Variants in PLD5 observed in about 807,000 individuals in gnomAD.
PLD5 encodes the protein inactive phospholipase D5.
PLD5 carries 36 observed loss-of-function variants against 61.1 expected under a neutral mutation model. The observed-to-expected ratio is 0.59, with a 90% CI of 0.45 to 0.78. PLD5 has a LOEUF of 0.78. PLD5 is among the 30% of genes least tolerant of loss of function. The probability of loss-of-function intolerance (pLI) is 0.00; values close to 1 mark genes in which losing one functional copy is unlikely to be tolerated. For synonymous variants in PLD5, 243 were observed against 242.8 expected, an observed-to-expected ratio of 1.00 and a Z score of -0.01; for missense variants, 515 against 644.4, an observed-to-expected ratio of 0.80 and a Z score of 2.17.
At position 242,425,005 on chromosome 1, in the gene PLD5, G is replaced by A. The variant is rs138868931; in HGVS notation, c.190-76763C>T. ...CAATTAGCTGGGTGTGGTTGTGCAC[G>A]CCTGCAATCCTAGCTACTAGGGAGG... On this transcript the variant is annotated intron_variant, in intron 1 of 9. Transcript: ENST00000536534. Among the ~76,000 whole-genome samples, 97 of 152,158 alleles carry A rather than the reference G, an allele frequency of 6.4e-4. 1 individual carries two copies. In the East Asian group the frequency reaches 0.014, roughly 22 times the overall value.
rs1660014855 is a variant in PLD5, at chr1:242,093,710, C to T, written c.1355-3600G>A. 2.0e-5 allele frequency among the ~76,000 whole-genome samples: 3 copies of T among 151,374 alleles called. No individual in the cohort carries two copies. The South Asian group carries it at 6.3e-4, about 32-fold the overall frequency. On this transcript the variant is annotated intron_variant, in intron 9 of 9. Transcript: ENST00000536534. The stretch of plus-strand genomic sequence containing the variant: ...TTCACCCTGGACTACAATGTCGACC[C>T]CCGAGGTCAGGAGCATCATAGCCAC...
intron 2 of PLD5, among the ~76,000 whole-genome samples, chr1:242,298,411 G>A (rs1675840208): frequency 1.3e-5 from 2 of 152,236 alleles, no homozygotes; most frequent in African/African-American, 4.8e-5. Flanking sequence ...AAGATAGGGA[G>A]GATCTTAGTT....
intron 3 of PLD5, among the ~76,000 whole-genome samples, chr1:242,267,889 A>T (rs111795242): frequency 2.3e-5 from 2 of 87,550 alleles, no homozygotes; most frequent in South Asian, 1.0e-3. Context: ...TCCAAAAATT[A>T]AAAAAAAAAA....
Position 242,089,797 on chromosome 1 carries a change from A to C in PLD5, c.*57T>G. On this transcript the variant is annotated 3_prime_UTR_variant, in exon 10 of 10. Transcript: ENST00000536534. ...ATATTAAAGTGTTTTTTCTCTCCTC[A>C]AGTCCTTTATGTATAAATATGAAAT... 1 of 1,598,054 alleles carries C rather than the reference A, an allele frequency of 6.3e-7. No homozygotes were observed. Among genetic ancestry groups the C allele is most frequent in the Non-Finnish European group, 8.6e-7 (1 of 1,169,384 alleles).
chr1:242,206,018 C>G (rs139900312), intron 5 of PLD5, among the ~76,000 whole-genome samples: 112 of 152,326 alleles, frequency 7.4e-4, no homozygotes, highest in South Asian at 1.5e-3. Flanking sequence ...GAGTGTGACT[C>G]TCATCGGCGT....
At chr1:242,187,885 CAA>C (rs1491123810) in intron 5 of PLD5, among the ~76,000 whole-genome samples, 4 of 152,170 alleles carry the variant, frequency 2.6e-5, no homozygotes, top group Non-Finnish European at 5.9e-5. Flanking sequence ...TACGGGGCCA[CAA>C]AAGTTACAGT....
chr1:242,239,129 C>T lies in PLD5; in HGVS notation c.608-19014G>A, dbSNP rs538592429. ...TCACTCAGGGGTCTTGCATTTCTCC[C>T]GTTGGGTTATAAACTAGAAAATTGG... On this transcript the variant is annotated intron_variant, in intron 4 of 9. Transcript: ENST00000536534. Among the ~76,000 whole-genome samples, 331 of 152,256 alleles carry T rather than the reference C, an allele frequency of 2.2e-3. 1 individual carries two copies. The highest frequency in any genetic ancestry group is 7.7e-3 in the African/African-American group (320 of 41,548).
upstream of PLD5, among the ~76,000 whole-genome samples, chr1:242,529,527 G>C (rs1441794318): frequency 6.6e-6 from 1 of 152,122 alleles, no homozygotes; most frequent in Non-Finnish European, 1.5e-5. Context: ...CAAGGACCAA[G>C]GGGCAACACT....
intron 5 of PLD5, among the ~76,000 whole-genome samples, chr1:242,192,985 T>G (rs1668379777): frequency 6.6e-6 from 1 of 152,186 alleles, no homozygotes; most frequent in Non-Finnish European, 1.5e-5. Flanking sequence ...CTCTCATAAC[T>G]GAGCCTTGTC....
At position 242,507,413 on chromosome 1, in the gene PLD5, C is replaced by A. The variant is rs563436526; in HGVS notation, c.189+16675G>T. On this transcript the variant is annotated intron_variant, in intron 1 of 9. Coordinates refer to ENST00000536534, the MANE Select transcript of PLD5 (RefSeq NM_001372062.1). ...TTTCAATAGAGCTTTGCTGAAACCC[C>A]CAATTCTTCTTAGGAAGGTGCTGCA... 3.9e-5 allele frequency among the ~76,000 whole-genome samples: 6 copies of A among 152,246 alleles called. No individual in the cohort carries two copies. In the South Asian group the frequency reaches 1.2e-3, roughly 32 times the overall value.
intron 4 of PLD5, among the ~76,000 whole-genome samples, chr1:242,264,640 A>T (rs907474261): frequency 1.3e-5 from 2 of 152,166 alleles, no homozygotes; most frequent in Non-Finnish European, 2.9e-5. Flanking sequence ...TCTTCTAGGG[A>T]CGTCCGGCAG....
At chr1:242,113,856 C>T in intron 7 of PLD5, 34 bp downstream of exon 7, 2 of 1,600,002 alleles carry the variant, frequency 1.3e-6, no homozygotes, top group Non-Finnish European at 1.7e-6. Context: ...GTCTTAGGGA[C>T]TGGGTTCTAA....
At chr1:242,247,406 T>C (rs1055690251) in intron 4 of PLD5, among the ~76,000 whole-genome samples, 3 of 152,186 alleles carry the variant, frequency 2.0e-5, no homozygotes, top group Non-Finnish European at 2.9e-5. Flanking sequence ...CAGAGTCAGG[T>C]TGGACAGTAA....
chr1:242,229,125 T>C (rs373580822), intron 4 of PLD5, among the ~76,000 whole-genome samples: 205 of 152,296 alleles, frequency 1.3e-3, no homozygotes, highest in African/African-American at 4.8e-3. Flanking sequence ...CATGAGTAAA[T>C]GACTCAAAGG....
intron 5 of PLD5, among the ~76,000 whole-genome samples, chr1:242,214,578 T>C (rs999752560): frequency 1.1e-4 from 16 of 152,182 alleles, no homozygotes; most frequent in African/African-American, 3.9e-4. Flanking sequence ...AGCCATGCAA[T>C]TGCATCAATT....
chr1:242,336,725 T>C (rs1338939123), intron 2 of PLD5, among the ~76,000 whole-genome samples: 6 of 152,118 alleles, frequency 3.9e-5, no homozygotes, highest in Admixed American at 2.6e-4. Context: ...TATTATCATC[T>C]GTATATATTA....
At chr1:242,316,582 T>C (rs1019492876) in intron 2 of PLD5, among the ~76,000 whole-genome samples, 1 of 152,242 alleles carries the variant, frequency 6.6e-6, no homozygotes, top group Non-Finnish European at 1.5e-5. Flanking sequence ...ATATATAAAC[T>C]TTATTAATTA....
chr1:242,298,986 G>A (rs1310574036), intron 2 of PLD5, among the ~76,000 whole-genome samples: 1 of 151,146 alleles, frequency 6.6e-6, no homozygotes, highest in Non-Finnish European at 1.5e-5. Flanking sequence ...TCTTGACACT[G>A]TCCCCAAAGA....
chr1:242,352,325 G>C (rs1299612806), intron 1 of PLD5, among the ~76,000 whole-genome samples: 1 of 152,092 alleles, frequency 6.6e-6, no homozygotes, highest in East Asian at 1.9e-4. Flanking sequence ...TTCTGTGTTT[G>C]GCTTATCACT....
Sources: gnomAD v4.1 joint callset for allele counts (sites outside exome capture counted in the v4.1 genomes callset) on GRCh38, gnomAD v4.1.1 for gene constraint, MANE v1.5 for transcripts, NCBI Gene and HGNC (gene_info 2026-07-23, HGNC 2026-07-21) for gene names.